CAPN7: variants seen among roughly 807,000 people sequenced by gnomAD.
CAPN7 encodes calpain-7.
Under a neutral mutation model 115.2 loss-of-function variants are expected in CAPN7, and 72 were observed. That is an observed-to-expected ratio of 0.63 (90% CI 0.52 to 0.76). The LOEUF (loss-of-function observed/expected upper bound fraction) is 0.76. Among genes scored for constraint, CAPN7 ranks in the 30% least tolerant of loss-of-function variants. The pLI is 0.00. For synonymous variants in CAPN7, 344 were observed against 322.3 expected (o/e 1.07, Z -0.72); for missense variants, 905 against 971.5 (o/e 0.93, Z 0.91).
At chr3:15,248,524 C>G (rs913883234) in intron 19 of CAPN7, among the ~76,000 whole-genome samples, 2 of 152,174 alleles carry the variant, frequency 1.3e-5, no homozygotes, top group African/African-American at 4.8e-5. Context: ...ACTATAAAAG[C>G]TCTGTCGAGG....
intron 12 of CAPN7, among the ~76,000 whole-genome samples, chr3:15,235,815 G>A (rs561759873): frequency 7.2e-5 from 11 of 152,088 alleles, no homozygotes; most frequent in Non-Finnish European, 1.5e-4. Context: ...TGTGGCCCGG[G>A]GGTTGGGGAC....
In CAPN7 at chr3:15,232,263, A is replaced by G. The variant is rs188029159; in HGVS notation, c.1033-256A>G. The G allele has an allele frequency of 2.0e-5, 7 of 356,984 alleles. No homozygotes were observed. The East Asian group carries it at 4.6e-4, about 24-fold the overall frequency. The allele number at this position is 356,984 out of a possible 1,614,324, so 22.1% of individuals were successfully genotyped here. On this transcript the variant is annotated intron_variant, in intron 9 of 20. Coordinates refer to ENST00000253693, the MANE Select transcript of CAPN7 (RefSeq NM_014296.3). The stretch of plus-strand genomic sequence containing the variant: ...TTCAGATGCTCAGCCTTTTAATTTC[A>G]GTGATAGTTACATGACATTTAATCA...
chr3:15,246,433 A>T, intron 17 of CAPN7: 1 of 314,940 alleles, frequency 3.2e-6, no homozygotes. Flanking sequence ...CAATTTGAAT[A>T]GATTTTTAGT....
At chr3:15,210,141 C>G (rs2044849196) in intron 1 of CAPN7, among the ~76,000 whole-genome samples, 1 of 151,260 alleles carries the variant, frequency 6.6e-6, no homozygotes, top group Non-Finnish European at 1.5e-5. Context: ...GCTGGGACTA[C>G]AGGTGTGCAC....
At chr3:15,215,038 A>G (rs533610427) in intron 2 of CAPN7, among the ~76,000 whole-genome samples, 1 of 152,384 alleles carries the variant, frequency 6.6e-6, no homozygotes, top group South Asian at 2.1e-4. Context: ...ACACTGGGCT[A>G]GATATTTCAA....
chr3:15,236,001 G>A (rs7627408), intron 12 of CAPN7, among the ~76,000 whole-genome samples: 24 of 151,878 alleles, frequency 1.6e-4, no homozygotes, highest in African/African-American at 4.1e-4. Flanking sequence ...AGACCCCACC[G>A]CTACAAAAAA....
Position 15,250,994 on chromosome 3 carries a change from C to T in CAPN7, c.2268C>T (p.Gly756=), listed in dbSNP as rs1695975763. Residue 756 remains glycine, a synonymous_variant, in exon 20 of 21, where the codon GGC becomes GGT. Coordinates refer to ENST00000253693, the MANE Select transcript of CAPN7 (RefSeq NM_014296.3). ...VSTLGDPGPH[G]FLRKSSGDYR... ...CTCTAGGAGATCCTGGTCCCCATGG[C>T]TTTCTGAGGAAATCTAGTGGTGACT... The T allele has an allele frequency of 1.2e-6, 2 of 1,613,370 alleles. No homozygotes were observed. The highest frequency in any genetic ancestry group is 1.7e-6 in the Non-Finnish European group (2 of 1,179,404).
At chr3:15,247,816 A>G (rs935283819) in intron 19 of CAPN7, among the ~76,000 whole-genome samples, 7 of 152,234 alleles carry the variant, frequency 4.6e-5, no homozygotes, top group African/African-American at 9.6e-5. Context: ...AATATGCTGC[A>G]TTGATAAGAA....
In CAPN7 at chr3:15,206,514, G is replaced by C. The variant is rs1316702465; in HGVS notation, c.19G>C (p.Glu7Gln). The change falls in exon 1 of 21, where the codon GAG becomes CAG. Residue 7 changes from glutamate (E) to glutamine (Q), a missense_variant. Coordinates refer to ENST00000253693, the MANE Select transcript of CAPN7 (RefSeq NM_014296.3). MDATALERDAVQFARLA... is the reference protein window; with the variant it reads MDATALQRDAVQFARLA... ...CTGCGCCATGGACGCCACAGCACTG[G>C]AGCGGGACGCTGTGCAGTTCGCCCG... 6.4e-7 allele frequency: 1 copy of C among 1,552,884 alleles called. No homozygotes were observed. Among genetic ancestry groups the C allele is most frequent in the Non-Finnish European group, 8.7e-7 (1 of 1,148,718 alleles).
intron 18 of CAPN7, 80 bp downstream of exon 18, chr3:15,246,874 GTTTATA>G: frequency 8.8e-7 from 1 of 1,136,290 alleles, no homozygotes; most frequent in Non-Finnish European, 1.3e-6. Context: ...TCATTTTATT[GTTTATA>G]TTTAGCAAAG....
Position 15,251,297 on chromosome 3 carries a change from A to G in CAPN7, c.*37A>G, listed in dbSNP as rs776324844. On this transcript the variant is annotated 3_prime_UTR_variant, in exon 21 of 21. Coordinates refer to ENST00000253693, the MANE Select transcript of CAPN7 (RefSeq NM_014296.3). ...CAAGTTACTGGCTTTTATACTTACC[A>G]AACATCAGTTCTTCAAATAAGGACG... 1.3e-5 allele frequency: 20 copies of G among 1,522,704 alleles called. No individual in the cohort carries two copies. Among genetic ancestry groups the G allele is most frequent in the Non-Finnish European group, 1.8e-5 (20 of 1,129,582 alleles). The allele number at this position is 1,522,704 out of a possible 1,614,324, so 94.3% of individuals were successfully genotyped here.
Position 15,233,964 on chromosome 3 carries a change from T to G in CAPN7, c.1277T>G (p.Leu426Arg), listed in dbSNP as rs1306253369. 6.5e-7 allele frequency: 1 copy of G among 1,535,258 alleles called. No individual in the cohort carries two copies. The highest frequency in any genetic ancestry group is 1.1e-5 in the South Asian group (1 of 87,772). ...AGTAAGGATAATTCTTTCAGAATGCTTTATCAAAGGTAAACATTTTTCTTT... is the reference window on the plus strand; with the variant it reads ...AGTAAGGATAATTCTTTCAGAATGCGTTATCAAAGGTAAACATTTTTCTTT... ...TFSKDNSFRM[L>R]YQRFHKGDVL... The change falls in exon 11 of 21, where the codon CTT becomes CGT. Residue 426 changes from leucine to arginine, a missense_variant. By Grantham distance (102) the Leu-to-Arg change is moderately radical. This residue lies in a region of CAPN7 where 620 missense variants were observed against 703.4 expected (regional missense o/e 0.88). Transcript: ENST00000253693.
At chr3:15,230,716 G>A (rs1380930072) in intron 9 of CAPN7, among the ~76,000 whole-genome samples, 181 bp downstream of exon 9, 1 of 152,128 alleles carries the variant, frequency 6.6e-6, no homozygotes, top group Non-Finnish European at 1.5e-5. Flanking sequence ...TAAAACCATG[G>A]CAAGTATAAA....
intron 10 of CAPN7, 77 bp from the exon 11 acceptor site, chr3:15,233,790 T>G: frequency 1.8e-4 from 132 of 750,796 alleles, no homozygotes; most frequent in Non-Finnish European, 2.6e-4. Context: ...GCCAAATCAG[T>G]GAGATGTAAT....
rs1693720774 is a variant in CAPN7, at chr3:15,217,705, G to GT, written c.369+124dup. ...CAGAATAAAAAAAATTATTTTAAAT[G>GT]TAACAACTACTCCTCAATATAAGAT... On this transcript the variant is annotated intron_variant, in intron 3 of 20. Coordinates refer to ENST00000253693, the MANE Select transcript of CAPN7 (RefSeq NM_014296.3). 8.6e-6 allele frequency: 6 copies of GT among 694,550 alleles called. No individual in the cohort carries two copies. The South Asian group carries it at 1.2e-4, about 14-fold the overall frequency. 43.0% of individuals were successfully genotyped at this position (694,550 alleles called of 1,614,324 possible).
chr3:15,220,418 G>A (rs958073388), intron 4 of CAPN7, among the ~76,000 whole-genome samples: 2 of 152,102 alleles, frequency 1.3e-5, no homozygotes, highest in African/African-American at 2.4e-5. Context: ...ACATTCATTT[G>A]CATGTAATAC....
chr3:15,229,233 TAAG>T (rs1419691921), intron 8 of CAPN7, among the ~76,000 whole-genome samples, 174 bp downstream of exon 8: 2 of 152,204 alleles, frequency 1.3e-5, no homozygotes, highest in Admixed American at 1.3e-4. Context: ...AAAACAGTCT[TAAG>T]AACCTATACA....
Position 15,245,664 on chromosome 3 carries a change from C to T in CAPN7, c.2003C>T (p.Thr668Met), listed in dbSNP as rs764401347. Residue 668 changes from threonine (T) to methionine (M), a missense_variant, in exon 17 of 21, where the codon ACG (threonine) becomes ATG (methionine). Coordinates refer to ENST00000253693, the MANE Select transcript of CAPN7 (RefSeq NM_014296.3). Reference sequence around the variant, plus strand: ...GAAAAACAGAACACAATCCATTACACGGTTCGGGTAAGTAAAACCAACACA... The same window carrying T: ...GAAAAACAGAACACAATCCATTACATGGTTCGGGTAAGTAAAACCAACACA... Reference protein sequence around the residue: ...QYEKQNTIHYTVRVYSACSFT... With the variant: ...QYEKQNTIHYMVRVYSACSFT... The T allele has an allele frequency of 1.0e-4, 161 of 1,612,636 alleles. No homozygotes were observed. Among genetic ancestry groups the T allele is most frequent in the Non-Finnish European group, 1.4e-4 (160 of 1,179,452 alleles).
In CAPN7 at chr3:15,246,923, C is replaced by T. The variant is rs144819055; in HGVS notation, c.2073+129C>T. The stretch of plus-strand genomic sequence containing the variant: ...AGGAATATAAGGGAAACGTAAATGG[C>T]CTCAATTTGGGTTGGAATACAAGAT... On this transcript the variant is annotated intron_variant, in intron 18 of 20. Coordinates refer to ENST00000253693, the MANE Select transcript of CAPN7 (RefSeq NM_014296.3). 383 of 736,896 alleles carry T rather than the reference C, an allele frequency of 5.2e-4. 2 individuals carry two copies. In the African/African-American group the frequency reaches 5.3e-3, roughly 10 times the overall value. The allele number at this position is 736,896 out of a possible 1,614,324, so 45.6% of individuals were successfully genotyped here.
Sources: allele counts gnomAD v4.1 joint callset (sites outside exome capture counted in the v4.1 genomes callset), GRCh38; gene constraint gnomAD v4.1.1; regional missense constraint gnomAD v4.1.1; transcripts MANE v1.5; gene names NCBI Gene and HGNC (gene_info 2026-07-23, HGNC 2026-07-21).